Variants in CCDC88A observed in about 807,000 individuals in gnomAD.
The protein encoded by CCDC88A is girdin.
Under a neutral mutation model 234.3 loss-of-function variants are expected in CCDC88A, and 54 were observed. The observed-to-expected ratio is 0.23, with a 90% confidence interval of 0.19 to 0.29. The LOEUF (loss-of-function observed/expected upper bound fraction) is 0.29, where lower values mean the gene tolerates loss of function less well. Ranked by LOEUF, CCDC88A falls within the 10% of genes least tolerant of loss-of-function variation. The pLI, the probability that CCDC88A is intolerant of heterozygous loss-of-function variation, is 1.00. For missense variants in CCDC88A, 1,832 were observed against 2,123.4 expected (o/e 0.86, Z 2.70); for synonymous variants, 753 against 737.8 (o/e 1.02, Z -0.33).
chr2:55,342,992 A>G (rs529133868), intron 12 of CCDC88A, among the ~76,000 whole-genome samples: 1 of 152,310 alleles, frequency 6.6e-6, no homozygotes, highest in South Asian at 2.1e-4. Flanking sequence ...TCAAAAATCC[A>G]TATTAGCATA....
Position 55,349,567 on chromosome 2 carries a change from T to C in CCDC88A, c.833A>G (p.Lys278Arg). ...TATTTCCATTTGCTCAAGTTCTTGT[T>C]TACAATCCAACAACTGCTCAGTCTT... ...EEKTEQLLDC[K>R]QELEQMEIEL... The change falls in exon 9 of 33, where the codon AAA becomes AGA. Residue 278 changes from lysine to arginine, a missense_variant. Lys to Arg is a conservative substitution (Grantham distance 26, BLOSUM62 2). Around this residue, in one of 6 missense-constraint regions of CCDC88A, gnomAD observed 1,282 missense variants for 1,543.6 expected, o/e 0.83. Transcript: ENST00000436346. 1 of 1,613,174 alleles carries C rather than the reference T, an allele frequency of 6.2e-7. No homozygotes were observed. The highest frequency in any genetic ancestry group is 8.5e-7 in the Non-Finnish European group (1 of 1,179,608).
At chr2:55,381,543 A>G (rs1427785066) in intron 3 of CCDC88A, among the ~76,000 whole-genome samples, 1 of 89,106 alleles carries the variant, frequency 1.1e-5, no homozygotes, top group Admixed American at 1.9e-4. Flanking sequence ...ACAGAGTGAG[A>G]CCCTGTCTCA....
intron 18 of CCDC88A, chr2:55,321,060 T>C (rs1383698013): frequency 6.8e-6 from 1 of 148,016 alleles, no homozygotes; most frequent in Non-Finnish European, 1.5e-5. Flanking sequence ...CAGTGAGCTA[T>C]GATCTCGCCA....
chr2:55,317,975 C>T lies in CCDC88A; in HGVS notation c.3325-134G>A, dbSNP rs929086381. ...ACATATTTACATTATACTGGGAAGA[C>T]GTGGATTTTAGCTTCCCAAAGAATA... On this transcript the variant is annotated intron_variant, in intron 19 of 32. Transcript: ENST00000436346. This position sits in a 1 kb window ranked among gnomAD's most constrained non-coding sequence, Gnocchi z 4.2. 1.4e-5 allele frequency: 9 copies of T among 634,736 alleles called. No homozygotes were observed. The highest frequency in any genetic ancestry group is 5.6e-5 in the East Asian group (2 of 35,478). 39.3% of individuals were successfully genotyped at this position (634,736 alleles called of 1,614,324 possible). A position where few individuals can be genotyped will look rare whatever the true frequency, so the allele number is the denominator to read the frequency against.
At chr2:55,323,975 G>A (rs1488114959) in intron 17 of CCDC88A, 3 of 152,376 alleles carry the variant, frequency 2.0e-5, no homozygotes, top group Admixed American at 6.5e-5. Context: ...GCCTCCCAAA[G>A]TGCTGGGATT....
In CCDC88A at chr2:55,346,303, C is replaced by T. The variant is rs1319216712; in HGVS notation, c.913G>A (p.Ala305Thr). 4 of 1,599,544 alleles carry T rather than the reference C, an allele frequency of 2.5e-6. No individual in the cohort carries two copies. The highest frequency in any genetic ancestry group is 3.4e-6 in the Non-Finnish European group (4 of 1,172,154). The change falls in exon 10 of 33, where the codon GCC becomes ACC. Residue 305 changes from alanine (A) to threonine (T), a missense_variant. Physicochemically the swap from Ala to Thr is moderately conservative, Grantham distance 58. Coordinates refer to ENST00000436346, the MANE Select transcript of CCDC88A (RefSeq NM_001365480.1). The stretch of plus-strand genomic sequence containing the variant: ...TCTAATTCATCTCGGTACATTCTGG[C>T]AGAGCGAGCATCCGAAAGCAAATTC... Reference protein sequence around the residue: ...NMNLLSDARSARMYRDELDAL... With the variant: ...NMNLLSDARSTRMYRDELDAL...
chr2:55,296,072 T>A lies in CCDC88A; in HGVS notation c.5092-16A>T, dbSNP rs1420243777. 1 of 1,547,282 alleles carries A rather than the reference T, an allele frequency of 6.5e-7. No individual in the cohort carries two copies. Among genetic ancestry groups the A allele is most frequent in the East Asian group, 2.2e-5 (1 of 44,574 alleles). ...AGGACTTTATCTGTTTAAAAAAAAA[T>A]TCAAAGCAGATTAGTGAATATAGTG... On this transcript the variant is annotated splice_polypyrimidine_tract_variant and intron_variant, in intron 30 of 32. Coordinates refer to ENST00000436346, the MANE Select transcript of CCDC88A (RefSeq NM_001365480.1).
chr2:55,352,378 G>A (rs1189569478), intron 8 of CCDC88A, among the ~76,000 whole-genome samples: 5 of 151,028 alleles, frequency 3.3e-5, no homozygotes. Context: ...AGTGAGCCGA[G>A]ATCACGCCAT....
chr2:55,304,397 G>A lies in CCDC88A; in HGVS notation c.4388-1245C>T, dbSNP rs1417032331. On this transcript the variant is annotated intron_variant, in intron 25 of 32. Coordinates refer to ENST00000436346, the MANE Select transcript of CCDC88A (RefSeq NM_001365480.1). ...CCTTCTTGGTTTAAACTGGATTCTG[G>A]TGCATTATTTAGCAGCACCACTGAA... is the stretch of plus-strand genomic sequence containing the variant. Among the ~76,000 whole-genome samples the A allele has an allele frequency of 2.0e-5, 3 of 152,118 alleles. No homozygotes were observed. The East Asian group carries it at 5.8e-4, about 29-fold the overall frequency.
Position 55,409,484 on chromosome 2 carries a change from T to C in CCDC88A, c.164+9332A>G, listed in dbSNP as rs1023254720. Among the ~76,000 whole-genome samples the C allele has an allele frequency of 2.0e-5, 3 of 152,234 alleles. No individual in the cohort carries two copies. The East Asian group carries it at 5.8e-4, about 29-fold the overall frequency. ...GATACCACATTGCAATTTGTTTACA[T>C]GCACCTCCCCCTTATTGTGGGCAAA... On this transcript the variant is annotated intron_variant, in intron 2 of 32. Transcript: ENST00000436346.
chr2:55,302,477 G>C (rs1047777218), intron 26 of CCDC88A, among the ~76,000 whole-genome samples: 1 of 152,020 alleles, frequency 6.6e-6, no homozygotes, highest in Non-Finnish European at 1.5e-5. Context: ...GAAAGTCCTT[G>C]GTCAGAGCAG....
Position 55,296,386 on chromosome 2 carries a change from C to T in CCDC88A, c.4963G>A (p.Val1655Met). ...GTTTCAGATATTTTGTGCTGGAGCACTGGGCTTGATCTGGTCTGTCTTTTC... is the reference window on the plus strand; with the variant it reads ...GTTTCAGATATTTTGTGCTGGAGCATTGGGCTTGATCTGGTCTGTCTTTTC... ...YLKRQTRSSPVLQHKISETLE... is the reference protein window; with the variant it reads ...YLKRQTRSSPMLQHKISETLE... Residue 1655 changes from valine to methionine, a missense_variant, in exon 30 of 33, where the codon GTG (valine) becomes ATG (methionine). By Grantham distance (21) the Val-to-Met change is conservative. This residue lies in a region of CCDC88A where 422 missense variants were observed against 416.5 expected (regional missense o/e 1.01). Transcript: ENST00000436346. The T allele has an allele frequency of 1.9e-6, 3 of 1,614,166 alleles. No individual in the cohort carries two copies. Among genetic ancestry groups the T allele is most frequent in the Admixed American group, 1.7e-5 (1 of 60,020 alleles).
chr2:55,318,775 A>G, intron 19 of CCDC88A, 68 bp downstream of exon 19: 1 of 1,220,084 alleles, frequency 8.2e-7, no homozygotes, highest in Non-Finnish European at 1.1e-6. Context: ...TTCCATGTTT[A>G]CCCTCCCTTA....
chr2:55,295,793 T>C lies in CCDC88A; in HGVS notation c.5355A>G (p.Lys1785=), dbSNP rs1486407894. Residue 1785 remains lysine (K), a synonymous_variant, in exon 31 of 33, where the codon AAA becomes AAG. Coordinates refer to ENST00000436346, the MANE Select transcript of CCDC88A (RefSeq NM_001365480.1). Reference sequence around the variant, plus strand: ...TTGATTGTCGTGACAGAGAAGATTCTTTTACTAATTTTATTTTTCCTTGAG... The same window carrying C: ...TTGATTGTCGTGACAGAGAAGATTCCTTTACTAATTTTATTTTTCCTTGAG... ...PGTQGKIKLV[K]ESSLSRQSKD... is the part of the protein sequence containing the mutation. 3 of 1,614,068 alleles carry C rather than the reference T, an allele frequency of 1.9e-6. No homozygotes were observed. The Admixed American group carries it at 5.0e-5, about 27-fold the overall frequency.
intron 4 of CCDC88A, among the ~76,000 whole-genome samples, chr2:55,374,100 G>A (rs962116438): frequency 2.6e-5 from 4 of 152,270 alleles, no homozygotes; most frequent in South Asian, 4.1e-4. Context: ...CAGACTGGGC[G>A]TGGTGGCTCA....
chr2:55,361,829 T>C (rs1384510986), intron 7 of CCDC88A: 1 of 152,382 alleles, frequency 6.6e-6, no homozygotes, highest in African/African-American at 2.4e-5. Context: ...ATTCTCTTTT[T>C]AAAATCACAC....
chr2:55,357,414 C>G (rs1181720100), intron 7 of CCDC88A, among the ~76,000 whole-genome samples: 1 of 150,522 alleles, frequency 6.6e-6, no homozygotes, highest in Admixed American at 6.6e-5. Flanking sequence ...CTCTTTCTTT[C>G]CCCTCCATGG....
chr2:55,341,870 C>T (rs188272236), intron 12 of CCDC88A, among the ~76,000 whole-genome samples: 1 of 152,270 alleles, frequency 6.6e-6, no homozygotes. Flanking sequence ...AATGCTGCAA[C>T]AAGCATGGGA....
intron 16 of CCDC88A, among the ~76,000 whole-genome samples, chr2:55,330,879 T>A (rs1684836005): frequency 6.6e-6 from 1 of 152,252 alleles, no homozygotes; most frequent in Admixed American, 6.5e-5. Context: ...TGTGCTTTTA[T>A]ACAAATGCTT....
Sources: gnomAD v4.1 joint callset for allele counts (sites outside exome capture counted in the v4.1 genomes callset) on GRCh38, gnomAD v4.1.1 for gene constraint, gnomAD v4.1.1 regional missense constraint, Gnocchi (gnomAD v3.1) non-coding constraint, MANE v1.5 for transcripts, NCBI Gene and HGNC (gene_info 2026-07-23, HGNC 2026-07-21) for gene names.